The following WWOX variants were observed in gnomAD, a reference collection of about 807,000 sequenced individuals.
WWOX encodes WW domain containing oxidoreductase, also known as WW domain-containing oxidoreductase.
WWOX carries 69 observed loss-of-function variants against 46.2 expected under a neutral mutation model. The ratio of observed to expected loss-of-function variants is 1.49; its 90% confidence interval spans 1.23 to 1.82. WWOX has a LOEUF of 1.82. Among genes scored for constraint, WWOX ranks in the 40% most tolerant of loss-of-function variants. WWOX has a pLI of 0.00. For missense variants in WWOX, 919 were observed against 542.6 expected (o/e 1.69, Z -6.89); for synonymous variants, 359 against 202.6 (o/e 1.77, Z -6.56).
chr16:78,379,644 C>T (rs543833039), intron 5 of WWOX, among the ~76,000 whole-genome samples: 1 of 152,290 alleles, frequency 6.6e-6, no homozygotes, highest in South Asian at 2.1e-4. Flanking sequence ...GAAGCATGCT[C>T]CGTAAGACCC....
chr16:78,535,500 C>G (rs376892816), intron 8 of WWOX: 1 of 152,160 alleles, frequency 6.6e-6, no homozygotes, highest in Non-Finnish European at 1.5e-5. Context: ...CTTCCCCCTC[C>G]CATTACCTTG....
intron 4 of WWOX, among the ~76,000 whole-genome samples, chr16:78,152,147 G>A (rs951605985): frequency 2.0e-5 from 3 of 150,892 alleles, no homozygotes; most frequent in Admixed American, 6.6e-5. Context: ...CCGAGATCGC[G>A]CCACTGCACT....
At chr16:78,638,355 C>G (rs986288487) in intron 8 of WWOX, among the ~76,000 whole-genome samples, 1 of 152,144 alleles carries the variant, frequency 6.6e-6, no homozygotes, top group Non-Finnish European at 1.5e-5. Flanking sequence ...AGTTGCCCAG[C>G]TCTTTTCATT....
intron 8 of WWOX, among the ~76,000 whole-genome samples, chr16:78,776,561 A>G (rs189499758): frequency 6.6e-6 from 1 of 152,134 alleles, no homozygotes; most frequent in Non-Finnish European, 1.5e-5. Context: ...TGCCATACTT[A>G]CCTTTATGGA....
At chr16:78,446,249 G>A (rs547147137) in intron 8 of WWOX, among the ~76,000 whole-genome samples, 64 of 152,274 alleles carry the variant, frequency 4.2e-4, no homozygotes, top group Non-Finnish European at 7.2e-4. Context: ...AACCTGTGAC[G>A]CTCTTTTCAA....
At chr16:79,155,889 C>G (rs1306304238) in intron 8 of WWOX, among the ~76,000 whole-genome samples, 1 of 148,434 alleles carries the variant, frequency 6.7e-6, no homozygotes, top group Non-Finnish European at 1.5e-5. Context: ...AGGAGGAATT[C>G]CAGTTGTTTT....
intron 8 of WWOX, among the ~76,000 whole-genome samples, chr16:78,802,157 A>G (rs2050907095): frequency 1.3e-5 from 2 of 150,352 alleles, no homozygotes; most frequent in African/African-American, 2.4e-5. Flanking sequence ...ATCCAGATAT[A>G]TACAACACAA....
At chr16:78,720,386 T>C (rs1418151078) in intron 8 of WWOX, among the ~76,000 whole-genome samples, 1 of 152,182 alleles carries the variant, frequency 6.6e-6, no homozygotes, top group Admixed American at 6.5e-5. Context: ...TGCTTGCCAA[T>C]GGTCAGATCT....
intron 8 of WWOX, among the ~76,000 whole-genome samples, chr16:78,544,637 G>A (rs1345136998): frequency 1.3e-5 from 2 of 152,150 alleles, no homozygotes; most frequent in Admixed American, 6.5e-5. Context: ...TCTAATTCCA[G>A]CACTTTGAGA....
At chr16:78,282,558 A>G (rs1268327513) in intron 5 of WWOX, among the ~76,000 whole-genome samples, 1 of 152,104 alleles carries the variant, frequency 6.6e-6, no homozygotes, top group Non-Finnish European at 1.5e-5. Context: ...GCTTTCAGAA[A>G]GGAAGTGAGA....
intron 8 of WWOX, among the ~76,000 whole-genome samples, chr16:78,968,061 G>C (rs1455139393): frequency 6.6e-6 from 1 of 152,186 alleles, no homozygotes; most frequent in South Asian, 2.1e-4. Context: ...GCATGGCACA[G>C]TGTGTGGTCT....
chr16:78,348,458 G>A (rs1408662632), intron 5 of WWOX, among the ~76,000 whole-genome samples: 2 of 120,832 alleles, frequency 1.7e-5, no homozygotes, highest in East Asian at 3.9e-4. Flanking sequence ...CTGATGCGGT[G>A]TTTATTTTAT....
At chr16:78,268,514 C>A (rs536245035) in intron 5 of WWOX, among the ~76,000 whole-genome samples, 1 of 152,116 alleles carries the variant, frequency 6.6e-6, no homozygotes, top group Non-Finnish European at 1.5e-5. Context: ...TGGAAGACAT[C>A]GAGAGCATGG....
chr16:79,147,618 C>G (rs79345279), intron 8 of WWOX, among the ~76,000 whole-genome samples: 1 of 152,128 alleles, frequency 6.6e-6, no homozygotes, highest in Non-Finnish European at 1.5e-5. Flanking sequence ...CCCATGAATG[C>G]AATTGGTGGG....
chr16:78,813,680 A>G (rs192466649), intron 8 of WWOX, among the ~76,000 whole-genome samples: 118 of 152,256 alleles, frequency 7.8e-4, no homozygotes, highest in Non-Finnish European at 1.2e-3. Flanking sequence ...TTTGAGATCA[A>G]TCACATTCAT....
chr16:79,073,137 A>T (rs548709494), intron 8 of WWOX, among the ~76,000 whole-genome samples: 4 of 141,782 alleles, frequency 2.8e-5, no homozygotes, highest in Middle Eastern at 3.6e-3. Flanking sequence ...TTTTTACATT[A>T]TAGTAGTTAT....
chr16:78,909,234 C>A (rs1043689586), intron 8 of WWOX, among the ~76,000 whole-genome samples: 1 of 151,860 alleles, frequency 6.6e-6, no homozygotes, highest in Non-Finnish European at 1.5e-5. Flanking sequence ...GTTCATGTTT[C>A]CTTGTGCCAC....
chr16:79,127,945 A>G (rs7498200), intron 8 of WWOX, among the ~76,000 whole-genome samples: 80,924 of 151,984 alleles, frequency 0.53, 22,780 homozygotes, highest in African/African-American at 0.72. Context: ...AGTAGTCCAC[A>G]TGACAGTTAC....
chr16:78,403,649 C>T (rs930357225), intron 6 of WWOX, among the ~76,000 whole-genome samples: 2 of 152,124 alleles, frequency 1.3e-5, no homozygotes, highest in East Asian at 1.9e-4. Flanking sequence ...TGACAAATAC[C>T]AGTCATCCCC....
Sources: gnomAD v4.1 joint callset for allele counts (sites outside exome capture counted in the v4.1 genomes callset) on GRCh38, gnomAD v4.1.1 for gene constraint, MANE v1.5 for transcripts, NCBI Gene and HGNC (gene_info 2026-07-23, HGNC 2026-07-21) for gene names.